The following ITM2B variants were observed in gnomAD, a reference collection of about 807,000 sequenced individuals.
ITM2B encodes integral membrane protein 2B, also known as ABri/ADan amyloid peptide.
Under a neutral mutation model 27.8 loss-of-function variants are expected in ITM2B, and 11 were observed. The observed-to-expected ratio is 0.40, with a 90% CI of 0.25 to 0.66. The LOEUF is 0.66. Ranked by LOEUF, ITM2B falls within the 30% of genes least tolerant of loss-of-function variation. The pLI, the probability that ITM2B is intolerant of heterozygous loss-of-function variation, is 0.43. For synonymous variants in ITM2B, 114 were observed against 114.3 expected (o/e 1.00, Z 0.02); for missense variants, 296 against 328.9 (o/e 0.90, Z 0.77).
In ITM2B at chr13:48,256,296, TGAA is replaced by T. The variant is rs751018650; in HGVS notation, c.377_379del (p.Glu126del). The T allele has an allele frequency of 3.6e-5, 58 of 1,613,942 alleles. No homozygotes were observed. Among genetic ancestry groups the T allele is most frequent in the East Asian group, 1.3e-4 (6 of 44,874 alleles). On this transcript the variant is annotated inframe_deletion, in exon 3 of 6. Coordinates refer to ENST00000647800, the MANE Select transcript of ITM2B (RefSeq NM_021999.5). ...CAATTGAAGAAAATATTAAAATCTT[TGAA>T]GAAGAAGAAGTTGAATTTATCAGTG...
intron 1 of ITM2B, among the ~76,000 whole-genome samples, chr13:48,235,918 A>G (rs915558757): frequency 3.9e-5 from 6 of 152,196 alleles, no homozygotes; most frequent in African/African-American, 1.4e-4. Flanking sequence ...AGATTCTGTT[A>G]CCTTATGCCA....
At position 48,268,894 on chromosome 13, in the gene ITM2B, G is replaced by C. The variant is rs1951868512; in HGVS notation, c.*7670G>C. The C allele has an allele frequency of 6.6e-6, 1 of 152,112 alleles. No homozygotes were observed. 9.4% of individuals were successfully genotyped at this position (152,112 alleles called of 1,614,324 possible). A position where few individuals can be genotyped will look rare whatever the true frequency, so the allele number is the denominator to read the frequency against. On this transcript the variant is annotated 3_prime_UTR_variant, in exon 6 of 6. Coordinates refer to ENST00000647800, the MANE Select transcript of ITM2B (RefSeq NM_021999.5). ...GGTTTACAGTCATAACAAACACCAA[G>C]AACCATTTATAAATTTCAGTTTCTC...
In ITM2B at chr13:48,258,232, T is replaced by C; in HGVS notation, c.560T>C (p.Ile187Thr). 6.9e-7 allele frequency: 1 copy of C among 1,441,046 alleles called. No individual in the cohort carries two copies. Among genetic ancestry groups the C allele is most frequent in the South Asian group, 1.1e-5 (1 of 87,482 alleles). 89.3% of individuals were successfully genotyped at this position (1,441,046 alleles called of 1,614,324 possible). ...PRNLLELLIN[I>T]KAGTYLPQSY... Reference sequence around the variant, plus strand: ...AACCTACTGGAGTTACTTATTAACATCAAGGTATAAGAATGTTGACTGTTT... The same window carrying C: ...AACCTACTGGAGTTACTTATTAACACCAAGGTATAAGAATGTTGACTGTTT... The change falls in exon 4 of 6, where the codon ATC (isoleucine) becomes ACC (threonine). Residue 187 changes from isoleucine (I) to threonine (T), a missense_variant. By Grantham distance (89) the Ile-to-Thr change is moderately conservative. Coordinates refer to ENST00000647800, the MANE Select transcript of ITM2B (RefSeq NM_021999.5).
In ITM2B at chr13:48,245,445, TATAA is replaced by T. The variant is rs1326953237; in HGVS notation, c.118-8359_118-8356del. Among the ~76,000 whole-genome samples the T allele has an allele frequency of 3.3e-5, 5 of 152,112 alleles. No homozygotes were observed. The South Asian group carries it at 1.0e-3, about 32-fold the overall frequency. Reference sequence around the variant, plus strand: ...TAAGAGATTTTAAACTTATTATTCATATAAATATTCTACTTTGCACTAATCTGCT... The same window carrying T: ...TAAGAGATTTTAAACTTATTATTCATATATTCTACTTTGCACTAATCTGCT... On this transcript the variant is annotated intron_variant, in intron 1 of 5. Transcript: ENST00000647800.
Position 48,236,924 on chromosome 13 carries a change from A to T in ITM2B, c.117+3447A>T, listed in dbSNP as rs372680245. On this transcript the variant is annotated intron_variant, in intron 1 of 5. Transcript: ENST00000647800. ...AAGGAGAGAGAAAAGTAAAGTGCTG[A>T]TATAGGAGAGAAAATAGTGGCAGGG... is the stretch of plus-strand genomic sequence containing the variant. Among the ~76,000 whole-genome samples the T allele has an allele frequency of 1.4e-4, 21 of 152,344 alleles. No individual in the cohort carries two copies. In the South Asian group the frequency reaches 4.1e-3, roughly 30 times the overall value.
At chr13:48,233,690 G>A (rs137978497) in intron 1 of ITM2B, among the ~76,000 whole-genome samples, 4 of 152,150 alleles carry the variant, frequency 2.6e-5, no homozygotes, top group African/African-American at 9.7e-5. Context: ...CGCGGGGTCG[G>A]GGGCTTGGGA....
intron 1 of ITM2B, among the ~76,000 whole-genome samples, chr13:48,248,792 A>G (rs1269511768): frequency 6.6e-6 from 1 of 152,262 alleles, no homozygotes; most frequent in Non-Finnish European, 1.5e-5. Flanking sequence ...CCTGGGCCAC[A>G]CACGGCCATG....
rs184081413 is a variant in ITM2B at position 48,244,844 on chromosome 13, A to G, written c.118-8964A>G. 7.2e-4 allele frequency among the ~76,000 whole-genome samples: 110 copies of G among 152,332 alleles called. 1 individual carries two copies. Among genetic ancestry groups the G allele is most frequent in the African/African-American group, 2.5e-3 (104 of 41,586 alleles). ...TAACAATGTGGAGTTTCATTCAGCC[A>G]GTGGTAGAGAAAATCTGTCTTCACC... On this transcript the variant is annotated intron_variant, in intron 1 of 5. Coordinates refer to ENST00000647800, the MANE Select transcript of ITM2B (RefSeq NM_021999.5).
rs1371850625 is a variant in ITM2B, at chr13:48,244,675, A to G, written c.118-9133A>G. On this transcript the variant is annotated intron_variant, in intron 1 of 5. Coordinates refer to ENST00000647800, the MANE Select transcript of ITM2B (RefSeq NM_021999.5). The stretch of plus-strand genomic sequence containing the variant: ...ATAATTATCTTGTTGAAAGACATTA[A>G]AAGCCAGCATTTATATAAAAGTGAG... Among the ~76,000 whole-genome samples, 3 of 152,210 alleles carry G rather than the reference A, an allele frequency of 2.0e-5. No individual in the cohort carries two copies. The South Asian group carries it at 6.2e-4, about 32-fold the overall frequency.
chr13:48,235,561 C>T (rs949889141), intron 1 of ITM2B, among the ~76,000 whole-genome samples: 1 of 152,150 alleles, frequency 6.6e-6, no homozygotes, highest in African/African-American at 2.4e-5. Flanking sequence ...AGTCGCTTAA[C>T]GGGAAAAGGA....
rs1309637501 is a variant in ITM2B, at chr13:48,265,753, C to T, written c.*4529C>T. 6.6e-6 allele frequency: 1 copy of T among 152,216 alleles called. No homozygotes were observed. Among genetic ancestry groups the T allele is most frequent in the Non-Finnish European group, 1.5e-5 (1 of 68,058 alleles). The allele number at this position is 152,216 out of a possible 1,614,324, so 9.4% of individuals were successfully genotyped here. A position where few individuals can be genotyped will look rare whatever the true frequency, so the allele number is the denominator to read the frequency against. ...ATTATTTCCATCTCCTCACCCGACACCCTTCAGTTAGCTTCCACTCAACCT... is the reference window on the plus strand; with the variant it reads ...ATTATTTCCATCTCCTCACCCGACATCCTTCAGTTAGCTTCCACTCAACCT... On this transcript the variant is annotated 3_prime_UTR_variant, in exon 6 of 6. Coordinates refer to ENST00000647800, the MANE Select transcript of ITM2B (RefSeq NM_021999.5).
intron 1 of ITM2B, among the ~76,000 whole-genome samples, chr13:48,247,358 T>A (rs891358639): frequency 1.3e-5 from 2 of 152,170 alleles, no homozygotes; most frequent in African/African-American, 4.8e-5. Context: ...TTATGTATAT[T>A]TTTTGATAAT....
intron 3 of ITM2B, among the ~76,000 whole-genome samples, chr13:48,256,978 A>G (rs899046739): frequency 6.6e-6 from 1 of 152,110 alleles, no homozygotes; most frequent in Non-Finnish European, 1.5e-5. Flanking sequence ...GTCCCCCCTT[A>G]TCCGTGGGGG....
At chr13:48,233,552 G>C in intron 1 of ITM2B, 75 bp downstream of exon 1, 1 of 979,792 alleles carries the variant, frequency 1.0e-6, no homozygotes, top group Non-Finnish European at 1.4e-6. Context: ...CAGCGGCAGT[G>C]CGCCCCGAGG....
chr13:48,251,647 T>C (rs920090848), intron 1 of ITM2B, among the ~76,000 whole-genome samples: 1 of 152,220 alleles, frequency 6.6e-6, no homozygotes, highest in Non-Finnish European at 1.5e-5. Context: ...GCTGTTTGGC[T>C]ATTCATTTAT....
intron 2 of ITM2B, 127 bp downstream of exon 2, chr13:48,254,063 G>A: frequency 1.1e-6 from 1 of 876,932 alleles, no homozygotes; most frequent in Non-Finnish European, 1.8e-6. Flanking sequence ...AGCCAGAGTG[G>A]TAGTTCTATT....
intron 1 of ITM2B, among the ~76,000 whole-genome samples, chr13:48,251,381 A>ATTT (rs908765572): frequency 6.6e-6 from 1 of 152,036 alleles, no homozygotes; most frequent in African/African-American, 2.4e-5. Flanking sequence ...CTCTCTGTGC[A>ATTT]TTTTCCTATT....
intron 1 of ITM2B, among the ~76,000 whole-genome samples, chr13:48,243,985 CAT>C (rs1181129250): frequency 6.6e-6 from 1 of 152,116 alleles, no homozygotes; most frequent in African/African-American, 2.4e-5. Flanking sequence ...TTAAGCAGCA[CAT>C]AGAGTCAAGA....
At chr13:48,240,852 GGCTCTA>G (rs1951696077) in intron 1 of ITM2B, among the ~76,000 whole-genome samples, 1 of 152,024 alleles carries the variant, frequency 6.6e-6, no homozygotes, top group Admixed American at 6.5e-5. Flanking sequence ...TGTATACCTG[GGCTCTA>G]ACTCCCAATC....
Sources: gnomAD v4.1 joint callset for allele counts (sites outside exome capture counted in the v4.1 genomes callset) on GRCh38, gnomAD v4.1.1 for gene constraint, MANE v1.5 for transcripts, NCBI Gene and HGNC (gene_info 2026-07-23, HGNC 2026-07-21) for gene names.